The following UPK1B variants were observed in gnomAD, a reference collection of about 807,000 sequenced individuals.
The protein encoded by UPK1B is uroplakin-1b.
Under a neutral mutation model 34.2 loss-of-function variants are expected in UPK1B, and 28 were observed. The observed-to-expected ratio is 0.82, with a 90% confidence interval of 0.61 to 1.12. The LOEUF is 1.12. Ranked by LOEUF, UPK1B falls within the 50% of genes most tolerant of loss-of-function variation. The pLI, the probability that UPK1B is intolerant of heterozygous loss-of-function variation, is 0.00. For missense variants in UPK1B, 325 were observed against 320.9 expected, an observed-to-expected ratio of 1.01 and a Z score of -0.10; for synonymous variants, 81 against 110.4, an observed-to-expected ratio of 0.73 and a Z score of 1.67.
At chr3:119,185,862 A>G (rs2107429908) in intron 1 of UPK1B, among the ~76,000 whole-genome samples, 1 of 152,308 alleles carries the variant, frequency 6.6e-6, no homozygotes, top group African/African-American at 2.4e-5. Context: ...CAGGGAGGTG[A>G]GAGACCCATG....
At chr3:119,176,048 A>T (rs1484042420) in intron 1 of UPK1B, 1 of 152,184 alleles carries the variant, frequency 6.6e-6, no homozygotes, top group African/African-American at 2.4e-5. Context: ...TGTGACCTAC[A>T]ATCTCCACAC....
intron 7 of UPK1B, among the ~76,000 whole-genome samples, chr3:119,199,597 C>T (rs7622158): frequency 0.22 from 33,652 of 152,220 alleles, 4,574 homozygotes; most frequent in Middle Eastern, 0.37. Context: ...CTTTATCTGA[C>T]GCATATGCAG....
intron 1 of UPK1B, 168 bp from the exon 2 acceptor site, chr3:119,186,546 C>A: frequency 1.7e-6 from 1 of 592,264 alleles, no homozygotes; most frequent in South Asian, 2.2e-5. Context: ...TCTTTTCATT[C>A]TTTATAAAAG....
At chr3:119,187,309 T>A (rs1251922294) in intron 2 of UPK1B, among the ~76,000 whole-genome samples, 1 of 152,160 alleles carries the variant, frequency 6.6e-6, no homozygotes, top group African/African-American at 2.4e-5. Flanking sequence ...TCCCTCTGAC[T>A]CCCCATATGA....
chr3:119,177,788 G>A (rs1319478242), intron 1 of UPK1B, among the ~76,000 whole-genome samples: 1 of 152,192 alleles, frequency 6.6e-6, no homozygotes, highest in Non-Finnish European at 1.5e-5. Flanking sequence ...CTTGGGTGAA[G>A]AAAAGACGTA....
chr3:119,196,165 C>A (rs13098659), intron 6 of UPK1B, among the ~76,000 whole-genome samples: 15,607 of 152,140 alleles, frequency 0.1, 1,006 homozygotes, highest in East Asian at 0.24. Context: ...CTCACTCATT[C>A]TGCTCCTTTG....
At chr3:119,196,535 CTT>C (rs34406185) in intron 6 of UPK1B, among the ~76,000 whole-genome samples, 2,245 of 107,142 alleles carry the variant, frequency 0.021, 47 homozygotes, top group African/African-American at 0.074. Context: ...TTTTCTTTTT[CTT>C]TTTTTTTTTT....
At chr3:119,173,686 C>A (rs6788712) in intron 1 of UPK1B, 48 bp downstream of exon 1, 1 of 152,190 alleles carries the variant, frequency 6.6e-6, no homozygotes, top group Non-Finnish European at 1.5e-5. Context: ...GGCTCAAGGG[C>A]TGGGTTGCTC....
intron 1 of UPK1B, among the ~76,000 whole-genome samples, chr3:119,177,904 G>A (rs1412005686): frequency 2.0e-5 from 3 of 152,200 alleles, no homozygotes; most frequent in Non-Finnish European, 2.9e-5. Context: ...TTTGCTATAG[G>A]CAGAGAGAGG....
chr3:119,200,561 T>C (rs1239320470), intron 7 of UPK1B, among the ~76,000 whole-genome samples: 1 of 152,252 alleles, frequency 6.6e-6, no homozygotes. Flanking sequence ...TTCCAAATGT[T>C]AACTGATTTA....
rs139735225 is a variant in UPK1B at position 119,183,946 on chromosome 3, A to AT, written c.-28-2768_-28-2767insT. Among the ~76,000 whole-genome samples, 1,511 of 152,320 alleles carry AT rather than the reference A, an allele frequency of 9.9e-3. 24 individuals carry two copies. Among genetic ancestry groups the AT allele is most frequent in the African/African-American group, 0.034 (1,407 of 41,556 alleles). On this transcript the variant is annotated intron_variant, in intron 1 of 7. Coordinates refer to ENST00000264234, the MANE Select transcript of UPK1B (RefSeq NM_006952.4). ...GGGAGAAGAAGAGAATGCATAGTGA[A>AT]AAAGGAGAACATTTTAGTGGCCAGA...
chr3:119,201,442 C>T (rs1009032324), intron 7 of UPK1B, among the ~76,000 whole-genome samples: 5 of 152,184 alleles, frequency 3.3e-5, no homozygotes, highest in Non-Finnish European at 7.3e-5. Context: ...GGCAACACAG[C>T]GTGTGCAGGG....
At chr3:119,202,382 T>C (rs1185810351) in intron 7 of UPK1B, among the ~76,000 whole-genome samples, 1 of 152,242 alleles carries the variant, frequency 6.6e-6, no homozygotes. Context: ...GGTAAGTTAC[T>C]TCTCTGTGCC....
At chr3:119,195,417 G>A (rs1490832833) in intron 6 of UPK1B, among the ~76,000 whole-genome samples, 1 of 152,204 alleles carries the variant, frequency 6.6e-6, no homozygotes, top group African/African-American at 2.4e-5. Flanking sequence ...CAGATTGAGG[G>A]ACATGGCACT....
intron 6 of UPK1B, among the ~76,000 whole-genome samples, chr3:119,196,748 C>A (rs1279389229): frequency 3.3e-5 from 5 of 151,958 alleles, no homozygotes; most frequent in African/African-American, 1.2e-4. Flanking sequence ...CCATGTTGGC[C>A]AGGATGGTCT....
In UPK1B at chr3:119,201,044, A is replaced by AT. The variant is rs903918942; in HGVS notation, c.732+1916dup. ...ATCTCAAGTGAAACTGGCTTTTTAA[A>AT]TTTTTTTTTTTTACTGCAAGTGCGT... On this transcript the variant is annotated intron_variant, in intron 7 of 7. Coordinates refer to ENST00000264234, the MANE Select transcript of UPK1B (RefSeq NM_006952.4). 7.2e-3 allele frequency among the ~76,000 whole-genome samples: 1,068 copies of AT among 148,086 alleles called. 10 individuals carry two copies. The highest frequency in any genetic ancestry group is 0.024 in the African/African-American group (973 of 40,706).
intron 3 of UPK1B, among the ~76,000 whole-genome samples, chr3:119,189,497 C>T (rs1290733593): frequency 6.6e-6 from 1 of 152,272 alleles, no homozygotes; most frequent in East Asian, 1.9e-4. Context: ...GGATATTTTC[C>T]AGCCAGAAAT....
At chr3:119,185,151 C>T (rs1695680969) in intron 1 of UPK1B, among the ~76,000 whole-genome samples, 1 of 152,180 alleles carries the variant, frequency 6.6e-6, no homozygotes, top group African/African-American at 2.4e-5. Flanking sequence ...CTCCAGCAAA[C>T]ATGAATTGAG....
intron 6 of UPK1B, among the ~76,000 whole-genome samples, chr3:119,197,698 A>T: frequency 6.6e-6 from 1 of 152,348 alleles, no homozygotes; most frequent in East Asian, 1.9e-4. Context: ...GCCCTCATGG[A>T]GCTTGCATTC....
Sources: gnomAD v4.1 joint callset for allele counts (sites outside exome capture counted in the v4.1 genomes callset) on GRCh38, gnomAD v4.1.1 for gene constraint, MANE v1.5 for transcripts, NCBI Gene and HGNC (gene_info 2026-07-23, HGNC 2026-07-21) for gene names.